Variants in MPZL1 observed in about 807,000 individuals in gnomAD.
MPZL1 encodes myelin protein zero like 1.
In MPZL1, 16 loss-of-function variants were observed where a neutral mutation model predicts 29.3. That is an observed-to-expected ratio of 0.55 (90% CI 0.37 to 0.83). The LOEUF (loss-of-function observed/expected upper bound fraction) is 0.83, where lower values mean the gene tolerates loss of function less well. MPZL1 is among the 40% of genes least tolerant of loss of function. The pLI is 0.00. For synonymous variants in MPZL1, 143 were observed against 132.0 expected, an observed-to-expected ratio of 1.08 and a Z score of -0.57; for missense variants, 279 against 332.9, an observed-to-expected ratio of 0.84 and a Z score of 1.26.
intron 1 of MPZL1, among the ~76,000 whole-genome samples, chr1:167,735,201 A>C (rs1478784179): frequency 6.6e-6 from 1 of 152,196 alleles, no homozygotes; most frequent in African/African-American, 2.4e-5. Context: ...TATACTCATT[A>C]GTTTGACAAA....
intron 2 of MPZL1, among the ~76,000 whole-genome samples, chr1:167,768,940 T>G (rs1661182576): frequency 6.6e-6 from 1 of 152,170 alleles, no homozygotes; most frequent in African/African-American, 2.4e-5. Context: ...AGTTTATGGT[T>G]CATTTTCTAG....
At chr1:167,731,511 A>G (rs887026450) in intron 1 of MPZL1, among the ~76,000 whole-genome samples, 10 of 141,438 alleles carry the variant, frequency 7.1e-5, no homozygotes, top group Non-Finnish European at 1.2e-4. Flanking sequence ...ATCTCGGCTC[A>G]CTGCAAGCTT....
In MPZL1 at chr1:167,722,667, C is replaced by T. The variant is rs543051768; in HGVS notation, c.91+425C>T. Among the ~76,000 whole-genome samples, 3 of 152,256 alleles carry T rather than the reference C, an allele frequency of 2.0e-5. No individual in the cohort carries two copies. The East Asian group carries it at 5.8e-4, about 29-fold the overall frequency. ...GGCGTTCTTCACCTTTGGGAGGTGG[C>T]GGAAAGTTGCAGGTTTTTCATTTGT... On this transcript the variant is annotated intron_variant, in intron 1 of 5. Transcript: ENST00000359523.
At chr1:167,786,343 A>G (rs1661592971) in intron 5 of MPZL1, among the ~76,000 whole-genome samples, 1 of 152,242 alleles carries the variant, frequency 6.6e-6, no homozygotes, top group Admixed American at 6.5e-5. Context: ...AACATGTATT[A>G]AGTACTGTCT....
intron 5 of MPZL1, 78 bp from the exon 6 acceptor site, chr1:167,787,742 A>T: frequency 9.5e-7 from 1 of 1,055,642 alleles, no homozygotes; most frequent in Non-Finnish European, 1.5e-6. Flanking sequence ...TGATCACGTT[A>T]ATCATTGCTT....
chr1:167,745,942 G>T (rs1045424249), intron 1 of MPZL1, among the ~76,000 whole-genome samples: 4 of 152,008 alleles, frequency 2.6e-5, no homozygotes, highest in Admixed American at 6.6e-5. Context: ...CCTTACAATT[G>T]TTGGCGAGTC....
chr1:167,727,995 G>A (rs1438343396), intron 1 of MPZL1, among the ~76,000 whole-genome samples: 2 of 148,280 alleles, frequency 1.3e-5, no homozygotes, highest in Non-Finnish European at 3.0e-5. Flanking sequence ...AGCCTCCCAA[G>A]TAACTGGGAT....
intron 1 of MPZL1, among the ~76,000 whole-genome samples, chr1:167,723,223 C>G (rs904553212): frequency 4.6e-5 from 7 of 152,166 alleles, no homozygotes; most frequent in African/African-American, 1.7e-4. Flanking sequence ...CCTTTGTTTT[C>G]AAAATGTCAG....
chr1:167,772,621 C>T (rs1218899389), intron 3 of MPZL1, 133 bp downstream of exon 3: 4 of 744,102 alleles, frequency 5.4e-6, no homozygotes, highest in South Asian at 3.8e-5. Flanking sequence ...CCTGTTGCCA[C>T]GAACCTGTGG....
chr1:167,722,095 G>C lies in MPZL1; in HGVS notation c.-57G>C. On this transcript the variant is annotated 5_prime_UTR_variant, in exon 1 of 6. Transcript: ENST00000359523. ...TCTTCCCCAAGCCGAGCCAACCTCA[G>C]CGGGGACCCGGGCTCAGGGACGCGG... 8.1e-7 allele frequency: 1 copy of C among 1,232,214 alleles called. No homozygotes were observed. The highest frequency in any genetic ancestry group is 1.0e-6 in the Non-Finnish European group (1 of 987,740). 76.3% of individuals were successfully genotyped at this position (1,232,214 alleles called of 1,614,324 possible).
At chr1:167,746,091 A>G (rs546566929) in intron 1 of MPZL1, among the ~76,000 whole-genome samples, 1 of 152,208 alleles carries the variant, frequency 6.6e-6, no homozygotes, top group Middle Eastern at 3.4e-3. Flanking sequence ...TACTTCAGAA[A>G]AAATACCTAT....
chr1:167,772,253 T>A (rs757624169), intron 2 of MPZL1, 22 bp from the exon 3 acceptor site: 2 of 1,569,364 alleles, frequency 1.3e-6, no homozygotes, highest in South Asian at 2.2e-5. Context: ...ATAGTTCATG[T>A]GTTCCTTTTT....
rs1320615133 is a variant in MPZL1 at position 167,772,444 on chromosome 1, T to C, written c.428T>C (p.Ile143Thr). The C allele has an allele frequency of 6.2e-7, 1 of 1,614,146 alleles. No individual in the cohort carries two copies. Among genetic ancestry groups the C allele is most frequent in the South Asian group, 1.1e-5 (1 of 91,086 alleles). ...TGTGATGTCAAAAACCCTCCTGACA[T>C]CGTTGTCCAGCCTGGACACATTAGG... Reference protein sequence around the residue: ...YICDVKNPPDIVVQPGHIRLY... With the variant: ...YICDVKNPPDTVVQPGHIRLY... Residue 143 changes from isoleucine to threonine, a missense_variant, in exon 3 of 6, where the codon ATC becomes ACC. Transcript: ENST00000359523.
At chr1:167,757,999 G>A (rs1660904771) in intron 1 of MPZL1, among the ~76,000 whole-genome samples, 1 of 151,836 alleles carries the variant, frequency 6.6e-6, no homozygotes, top group Admixed American at 6.6e-5. Context: ...AAAAAAAATA[G>A]AAAAATTATC....
intron 1 of MPZL1, among the ~76,000 whole-genome samples, chr1:167,761,443 A>T (rs1660986379): frequency 6.6e-6 from 1 of 152,188 alleles, no homozygotes; most frequent in Non-Finnish European, 1.5e-5. Flanking sequence ...GACACTTTCT[A>T]CATAGGAGTG....
Position 167,764,179 on chromosome 1 carries a change from A to T in MPZL1, c.92-1404A>T, listed in dbSNP as rs118000940. 9.8e-4 allele frequency among the ~76,000 whole-genome samples: 149 copies of T among 152,326 alleles called. 1 individual carries two copies. In the East Asian group the frequency reaches 0.027, roughly 28 times the overall value. ...ATTTTTAAGTTACCAATTTTGGGCC[A>T]AATAAGTTTTTTTTTTCTGACTTTC... On this transcript the variant is annotated intron_variant, in intron 1 of 5. Coordinates refer to ENST00000359523, the MANE Select transcript of MPZL1 (RefSeq NM_003953.6).
intron 1 of MPZL1, among the ~76,000 whole-genome samples, chr1:167,740,763 G>T (rs1476456002): frequency 1.3e-5 from 2 of 152,184 alleles, no homozygotes; most frequent in African/African-American, 4.8e-5. Context: ...CCATTTAGAG[G>T]TCTCAAGGTC....
At chr1:167,751,353 T>C (rs1367603844) in intron 1 of MPZL1, among the ~76,000 whole-genome samples, 8 of 152,202 alleles carry the variant, frequency 5.3e-5, no homozygotes, top group Non-Finnish European at 8.8e-5. Context: ...GATATAATCA[T>C]GTAGAATTAC....
At chr1:167,758,010 T>C (rs1447951982) in intron 1 of MPZL1, among the ~76,000 whole-genome samples, 1 of 151,962 alleles carries the variant, frequency 6.6e-6, no homozygotes, top group Non-Finnish European at 1.5e-5. Context: ...AAAAATTATC[T>C]AGGCATGGTG....
Sources: allele counts gnomAD v4.1 joint callset (sites outside exome capture counted in the v4.1 genomes callset), GRCh38; gene constraint gnomAD v4.1.1; transcripts MANE v1.5; gene names NCBI Gene and HGNC (gene_info 2026-07-23, HGNC 2026-07-21).